The following SGCZ variants were observed in gnomAD, a reference collection of about 807,000 sequenced individuals.
SGCZ encodes the protein sarcoglycan zeta.
A neutral mutation model predicts 41.3 loss-of-function variants in SGCZ; 40 were observed. The observed-to-expected ratio is 0.97, with a 90% CI of 0.75 to 1.26. The LOEUF (loss-of-function observed/expected upper bound fraction) is 1.26. Among genes scored for constraint, SGCZ ranks in the 50% most tolerant of loss-of-function variants. The pLI is 0.00. For synonymous variants in SGCZ, 206 were observed against 137.5 expected (o/e 1.50, Z -3.49); for missense variants, 552 against 369.8 (o/e 1.49, Z -4.04).
chr8:14,814,374 G>T (rs949322044), intron 1 of SGCZ, among the ~76,000 whole-genome samples: 2 of 152,072 alleles, frequency 1.3e-5, no homozygotes, highest in Admixed American at 6.6e-5. Context: ...GTAGAAGAAG[G>T]AAGGGCAAAG....
At chr8:15,228,589 C>G (rs968226720) in intron 1 of SGCZ, among the ~76,000 whole-genome samples, 2 of 152,132 alleles carry the variant, frequency 1.3e-5, no homozygotes, top group African/African-American at 2.4e-5. Context: ...AATAATGTCT[C>G]TGCCCTAGAC....
At chr8:14,091,301 G>T (rs1209545822) in intron 7 of SGCZ, among the ~76,000 whole-genome samples, 2 of 151,874 alleles carry the variant, frequency 1.3e-5, no homozygotes, top group African/African-American at 2.4e-5. Flanking sequence ...AAACTTAAGT[G>T]TGCATGTGTC....
At chr8:14,330,940 T>G (rs1258360642) in intron 2 of SGCZ, among the ~76,000 whole-genome samples, 1 of 152,006 alleles carries the variant, frequency 6.6e-6, no homozygotes, top group Admixed American at 6.5e-5. Context: ...AAATATACAT[T>G]TTAGACATCT....
At chr8:14,773,314 A>G (rs1000951917) in intron 1 of SGCZ, among the ~76,000 whole-genome samples, 1 of 152,182 alleles carries the variant, frequency 6.6e-6, no homozygotes, top group African/African-American at 2.4e-5. Flanking sequence ...AAATTCTTGT[A>G]CATTTCCCTT....
chr8:14,735,843 C>T (rs1196942979), intron 1 of SGCZ, among the ~76,000 whole-genome samples: 1 of 151,998 alleles, frequency 6.6e-6, no homozygotes, highest in Non-Finnish European at 1.5e-5. Context: ...TTAGGGAGGC[C>T]TTGCTGACAA....
At chr8:15,123,881 G>A (rs1399437833) in intron 1 of SGCZ, among the ~76,000 whole-genome samples, 3 of 152,178 alleles carry the variant, frequency 2.0e-5, no homozygotes, top group Non-Finnish European at 4.4e-5. Context: ...AATGGAAGAA[G>A]GAAGCAATGT....
chr8:14,214,369 C>T (rs566641808), intron 4 of SGCZ, among the ~76,000 whole-genome samples: 40 of 152,026 alleles, frequency 2.6e-4, no homozygotes, highest in Non-Finnish European at 2.8e-4. Flanking sequence ...CATGGGATAC[C>T]GGAACAGAAA....
chr8:14,257,802 C>G (rs954908602), intron 3 of SGCZ, among the ~76,000 whole-genome samples: 2 of 152,054 alleles, frequency 1.3e-5, no homozygotes, highest in Non-Finnish European at 1.5e-5. Context: ...CCTCCATAAT[C>G]TCCTTAGGAA....
chr8:14,494,823 A>C (rs1168504663), intron 2 of SGCZ, among the ~76,000 whole-genome samples: 2 of 152,174 alleles, frequency 1.3e-5, no homozygotes, highest in East Asian at 3.9e-4. Context: ...TGGCTGTCTG[A>C]TAGACATAAA....
intron 1 of SGCZ, among the ~76,000 whole-genome samples, chr8:14,679,811 G>A (rs1240354335): frequency 2.0e-5 from 3 of 151,820 alleles, no homozygotes; most frequent in Non-Finnish European, 2.9e-5. Flanking sequence ...AGACCTGCAA[G>A]CTCCTTTCAT....
At chr8:14,941,318 T>C (rs903750350) in intron 1 of SGCZ, among the ~76,000 whole-genome samples, 7 of 152,148 alleles carry the variant, frequency 4.6e-5, no homozygotes, top group Admixed American at 1.3e-4. Context: ...GCTACAGCAT[T>C]ATTTAAAGTG....
At chr8:14,500,389 A>C (rs1273253232) in intron 2 of SGCZ, among the ~76,000 whole-genome samples, 5 of 151,840 alleles carry the variant, frequency 3.3e-5, no homozygotes, top group Non-Finnish European at 7.4e-5. Context: ...CAACAAGGAG[A>C]GCTAAAAATG....
At chr8:14,154,863 A>T (rs770952607) in intron 5 of SGCZ, among the ~76,000 whole-genome samples, 1 of 152,144 alleles carries the variant, frequency 6.6e-6, no homozygotes, top group Non-Finnish European at 1.5e-5. Context: ...CTCTGATGAC[A>T]ACTATGATCA....
At chr8:14,185,489 C>T (rs1231231264) in intron 4 of SGCZ, among the ~76,000 whole-genome samples, 2 of 152,058 alleles carry the variant, frequency 1.3e-5, no homozygotes, top group Non-Finnish European at 1.5e-5. Flanking sequence ...TCAATATCTA[C>T]CATATACTTT....
chr8:14,919,646 G>C (rs145010793), intron 1 of SGCZ, among the ~76,000 whole-genome samples: 11 of 152,072 alleles, frequency 7.2e-5, no homozygotes, highest in Non-Finnish European at 1.3e-4. Flanking sequence ...AGCTGGGTGC[G>C]ATGGCTCACG....
At chr8:14,686,635 T>C (rs1808620620) in intron 1 of SGCZ, among the ~76,000 whole-genome samples, 1 of 152,070 alleles carries the variant, frequency 6.6e-6, no homozygotes, top group Non-Finnish European at 1.5e-5. Flanking sequence ...GCAGGGGTAC[T>C]GGGGTGCAAT....
intron 1 of SGCZ, among the ~76,000 whole-genome samples, chr8:14,828,011 C>G (rs1251963806): frequency 6.6e-6 from 1 of 152,200 alleles, no homozygotes; most frequent in East Asian, 1.9e-4. Context: ...ACTTGTTTAA[C>G]ATGTCTGACA....
At chr8:14,675,021 C>A (rs1308276112) in intron 1 of SGCZ, among the ~76,000 whole-genome samples, 1 of 138,646 alleles carries the variant, frequency 7.2e-6, no homozygotes, top group Non-Finnish European at 1.5e-5. Flanking sequence ...TCACTGCAAG[C>A]TCTGCCTCCC....
chr8:15,122,713 T>C (rs181187615), intron 1 of SGCZ, among the ~76,000 whole-genome samples: 167 of 152,266 alleles, frequency 1.1e-3, no homozygotes, highest in African/African-American at 4.0e-3. Context: ...ATTTTCCTGT[T>C]GACTTTTTAT....
Sources: allele counts gnomAD v4.1 joint callset (sites outside exome capture counted in the v4.1 genomes callset), GRCh38; gene constraint gnomAD v4.1.1; transcripts MANE v1.5; gene names NCBI Gene and HGNC (gene_info 2026-07-23, HGNC 2026-07-21).